NR3C1: variants seen among roughly 807,000 people sequenced by gnomAD.
NR3C1 encodes glucocorticoid receptor.
A neutral mutation model predicts 74.0 loss-of-function variants in NR3C1; 14 were observed. That is an observed-to-expected ratio of 0.19 (90% CI 0.12 to 0.30). The LOEUF is 0.30. Among genes scored for constraint, NR3C1 ranks in the 10% least tolerant of loss-of-function variants. The pLI is 1.00. For synonymous variants in NR3C1, 308 were observed against 332.5 expected (o/e 0.93, Z 0.80); for missense variants, 695 against 909.8 (o/e 0.76, Z 3.04).
intron 1 of NR3C1, among the ~76,000 whole-genome samples, chr5:143,418,246 C>G (rs912064484): frequency 6.6e-6 from 1 of 152,162 alleles, no homozygotes; most frequent in African/African-American, 2.4e-5. Flanking sequence ...TTACTTATAT[C>G]AGTGCCATCA....
At chr5:143,403,133 GC>G in intron 1 of NR3C1, 77 bp downstream of exon 1, 1 of 979,840 alleles carries the variant, frequency 1.0e-6, no homozygotes, top group Non-Finnish European at 1.2e-6. Flanking sequence ...TCCCGCGGCG[GC>G]CCCCGAGTTG....
intron 2 of NR3C1, among the ~76,000 whole-genome samples, chr5:143,367,345 C>A (rs1361166139): frequency 6.6e-6 from 1 of 152,118 alleles, no homozygotes; most frequent in African/African-American, 2.4e-5. Context: ...AAGATGAAGA[C>A]CAACACAAAG....
intron 1 of NR3C1, among the ~76,000 whole-genome samples, chr5:143,412,748 A>G (rs1841335778): frequency 6.6e-6 from 1 of 152,202 alleles, no homozygotes; most frequent in Non-Finnish European, 1.5e-5. Context: ...TTTAAAAAAT[A>G]GTAAATGTTT....
At chr5:143,353,266 G>T (rs1302936470) in intron 2 of NR3C1, among the ~76,000 whole-genome samples, 1 of 152,160 alleles carries the variant, frequency 6.6e-6, no homozygotes, top group African/African-American at 2.4e-5. Context: ...TTCCTAAACT[G>T]AAGTGTTGAA....
intron 3 of NR3C1, among the ~76,000 whole-genome samples, chr5:143,312,555 T>A (rs1289603153): frequency 6.6e-6 from 1 of 152,124 alleles, no homozygotes; most frequent in Non-Finnish European, 1.5e-5. Context: ...TATTATACTA[T>A]GCCAATTTTG....
intron 2 of NR3C1, among the ~76,000 whole-genome samples, chr5:143,360,801 C>T (rs1368660380): frequency 1.3e-5 from 2 of 152,126 alleles, no homozygotes; most frequent in Admixed American, 1.3e-4. Context: ...GATATATCAA[C>T]AGTAAGCAGA....
At chr5:143,337,221 A>G (rs2151728381) in intron 2 of NR3C1, among the ~76,000 whole-genome samples, 1 of 152,340 alleles carries the variant, frequency 6.6e-6, no homozygotes, top group East Asian at 1.9e-4. Context: ...ACTTTACAAT[A>G]CAGGAACTCC....
At chr5:143,384,837 G>A (rs1836885472) in intron 2 of NR3C1, among the ~76,000 whole-genome samples, 1 of 152,188 alleles carries the variant, frequency 6.6e-6, no homozygotes, top group African/African-American at 2.4e-5. Context: ...TCTGGAGGAT[G>A]GTATCCCTCT....
intron 2 of NR3C1, among the ~76,000 whole-genome samples, chr5:143,397,641 A>AT (rs1368789926): frequency 6.6e-6 from 1 of 151,966 alleles, no homozygotes; most frequent in Non-Finnish European, 1.5e-5. Context: ...ACTACTGATT[A>AT]TATTTCCCAA....
chr5:143,392,183 T>G (rs1344289647), intron 2 of NR3C1, among the ~76,000 whole-genome samples: 1 of 152,124 alleles, frequency 6.6e-6, no homozygotes, highest in African/African-American at 2.4e-5. Flanking sequence ...GCCAGGATGG[T>G]CTCAATCTCC....
rs188979422 is a variant in NR3C1, at chr5:143,428,535, A to G, written c.-14+5997T>C. Reference sequence around the variant, plus strand: ...TTCTACAATTCTCTCTTGCCTTACCATGCTCTAGTTCAGGGGCTGGCAAAC... The same window carrying G: ...TTCTACAATTCTCTCTTGCCTTACCGTGCTCTAGTTCAGGGGCTGGCAAAC... On this transcript the variant is annotated intron_variant, in intron 1 of 8. Coordinates refer to the NR3C1 transcript ENST00000343796. Among the ~76,000 whole-genome samples, 20 of 152,214 alleles carry G rather than the reference A, an allele frequency of 1.3e-4. No homozygotes were observed. In the East Asian group the frequency reaches 1.7e-3, roughly 13 times the overall value.
chr5:143,357,896 G>A (rs910734860), intron 2 of NR3C1, among the ~76,000 whole-genome samples: 11 of 152,022 alleles, frequency 7.2e-5, no homozygotes, highest in African/African-American at 2.4e-4. Context: ...ATATATTTTA[G>A]ACTTCCAGAA....
chr5:143,374,834 G>T (rs1346027537), intron 2 of NR3C1, among the ~76,000 whole-genome samples: 1 of 151,980 alleles, frequency 6.6e-6, no homozygotes, highest in Non-Finnish European at 1.5e-5. Context: ...CCCAGGATAC[G>T]TTTTTAAGAG....
upstream of NR3C1, chr5:143,403,845 G>C (rs1375965515): frequency 3.1e-6 from 3 of 969,882 alleles, no homozygotes; most frequent in Non-Finnish European, 3.7e-6. Context: ...CGCCCTCCGC[G>C]CGGGCCCCGC....
At chr5:143,403,887 C>G, upstream of NR3C1, 1 of 978,934 alleles carries the variant, frequency 1.0e-6, no homozygotes, top group Non-Finnish European at 1.2e-6. Context: ...TGCACGCCCG[C>G]GTCCCCTGGC....
chr5:143,382,464 A>C (rs995068908), intron 2 of NR3C1, among the ~76,000 whole-genome samples: 1 of 152,258 alleles, frequency 6.6e-6, no homozygotes, highest in Non-Finnish European at 1.5e-5. Context: ...CTTTGGCATT[A>C]AGGAGTTGTC....
At chr5:143,359,789 G>A (rs1352999725) in intron 2 of NR3C1, among the ~76,000 whole-genome samples, 1 of 152,004 alleles carries the variant, frequency 6.6e-6, no homozygotes, top group Non-Finnish European at 1.5e-5. Flanking sequence ...ATGGTGGCAG[G>A]CACCTGTAAT....
intron 2 of NR3C1, among the ~76,000 whole-genome samples, chr5:143,315,361 T>C (rs1405502339): frequency 6.6e-6 from 1 of 152,160 alleles, no homozygotes; most frequent in African/African-American, 2.4e-5. Context: ...AATTAGAGAC[T>C]GCCCATTCCA....
At chr5:143,317,102 A>G (rs1822286579) in intron 2 of NR3C1, among the ~76,000 whole-genome samples, 1 of 152,190 alleles carries the variant, frequency 6.6e-6, no homozygotes, top group African/African-American at 2.4e-5. Flanking sequence ...CGGTGAAAAA[A>G]GCCAATTTTT....
Sources: gnomAD v4.1 joint callset for allele counts (sites outside exome capture counted in the v4.1 genomes callset) on GRCh38, gnomAD v4.1.1 for gene constraint, MANE v1.5 for transcripts, NCBI Gene and HGNC (gene_info 2026-07-23, HGNC 2026-07-21) for gene names.